Variants in ZNF658 observed in about 807,000 individuals in gnomAD.
ZNF658 encodes zinc finger protein 658.
A neutral mutation model predicts 78.0 loss-of-function variants in ZNF658; 46 were observed. The observed-to-expected ratio is 0.59, with a 90% confidence interval of 0.47 to 0.75. ZNF658 has a LOEUF of 0.75. ZNF658 is among the 30% of genes least tolerant of loss of function. ZNF658 has a pLI of 0.00. For synonymous variants in ZNF658, 279 were observed against 408.4 expected (o/e 0.68, Z 3.82); for missense variants, 785 against 1,189.3 (o/e 0.66, Z 5.00).
At position 66,920,034 on chromosome 9, in the gene ZNF658, A is replaced by G. The variant is rs1822471211; in HGVS notation, c.2468A>G (p.Glu823Gly). The change falls in exon 5 of 5, where the codon GAG (glutamate) becomes GGG (glycine). Residue 823 changes from glutamate to glycine, a missense_variant. Transcript: ENST00000621410. ...LIVHQRIHTG[E>G]KPYECNQCGK... ...GTGCATCAAAGAATTCACACAGGGG[A>G]GAAACCCTATGAATGTAACCAATGT... is the stretch of plus-strand genomic sequence containing the variant. The G allele has an allele frequency of 1.2e-6, 2 of 1,612,976 alleles. No individual in the cohort carries two copies. The highest frequency in any genetic ancestry group is 1.1e-5 in the South Asian group (1 of 91,038).
At chr9:66,923,219 T>A (rs1822552901), downstream of ZNF658, among the ~76,000 whole-genome samples, 1 of 150,594 alleles carries the variant, frequency 6.6e-6, no homozygotes, top group East Asian at 2.0e-4. Flanking sequence ...GAACTTGGAG[T>A]CCAATGTTCA....
At chr9:66,906,013 T>A (rs561994030) in intron 2 of ZNF658, among the ~76,000 whole-genome samples, 3 of 149,104 alleles carry the variant, frequency 2.0e-5, no homozygotes, top group Non-Finnish European at 4.4e-5. Context: ...AAAACTTTCT[T>A]GATTTGCAGG....
At chr9:66,927,349 A>C (rs1276300279) in intron 6 of ZNF658, among the ~76,000 whole-genome samples, 3 of 151,830 alleles carry the variant, frequency 2.0e-5, no homozygotes, top group Non-Finnish European at 2.9e-5. Flanking sequence ...TTTAAAAAAA[A>C]GACAAGTGTT....
At chr9:66,931,856 G>A (rs1822648576) in intron 6 of ZNF658, among the ~76,000 whole-genome samples, 1 of 149,324 alleles carries the variant, frequency 6.7e-6, no homozygotes, top group South Asian at 2.2e-4. Context: ...AGTCACATTG[G>A]CATTGGGGAG....
intron 4 of ZNF658, among the ~76,000 whole-genome samples, chr9:66,912,981 G>A (rs1191911508): frequency 1.3e-5 from 2 of 151,804 alleles, no homozygotes; most frequent in African/African-American, 2.4e-5. Context: ...CTGGGAGGTG[G>A]AGGTTATGGT....
chr9:66,901,380 C>T (rs1821949229), intron 1 of ZNF658, among the ~76,000 whole-genome samples: 1 of 152,076 alleles, frequency 6.6e-6, no homozygotes, highest in Non-Finnish European at 1.5e-5. Context: ...AACATGCTGT[C>T]TGCCTGAAAC....
chr9:66,918,395 A>T lies in ZNF658; in HGVS notation c.829A>T (p.Thr277Ser), dbSNP rs1370367414. Residue 277 changes from threonine (T) to serine (S), a missense_variant, in exon 5 of 5, where the codon ACA becomes TCA. Coordinates refer to ENST00000621410, the MANE Select transcript of ZNF658 (RefSeq NM_033160.7). ...ATGCTCTGATCTTAATGAATATGGG[A>T]CATCCTGTGACAAAACCACCGCTGT... The part of the protein sequence containing the change: ...GKCSDLNEYG[T>S]SCDKTTAVEY... 1.6e-5 allele frequency: 26 copies of T among 1,613,694 alleles called. No homozygotes were observed. Among genetic ancestry groups the T allele is most frequent in the East Asian group, 2.2e-5 (1 of 44,852 alleles).
intron 4 of ZNF658, among the ~76,000 whole-genome samples, chr9:66,911,707 C>T (rs1822217325): frequency 1.1e-5 from 1 of 92,272 alleles, no homozygotes; most frequent in African/African-American, 6.6e-5. Context: ...TAACGCTATA[C>T]CAAACACAAT....
chr9:66,908,841 G>A lies in ZNF658; in HGVS notation c.238+107G>A, dbSNP rs1317201999. ...AGCTTTATTGAGATATAATTCACAT[G>A]CCTACAATTCACTCCTTTAAAGTGT... On this transcript the variant is annotated intron_variant, in intron 4 of 4. Transcript: ENST00000621410. 6 of 676,204 alleles carry A rather than the reference G, an allele frequency of 8.9e-6. No individual in the cohort carries two copies. The Admixed American group carries it at 1.2e-4, about 13-fold the overall frequency. The allele number at this position is 676,204 out of a possible 1,614,324, so 41.9% of individuals were successfully genotyped here. A position where few individuals can be genotyped will look rare whatever the true frequency, so the allele number is the denominator to read the frequency against.
intron 4 of ZNF658, among the ~76,000 whole-genome samples, chr9:66,908,947 A>AT (rs1189189059): frequency 1.3e-5 from 2 of 152,150 alleles, no homozygotes; most frequent in African/African-American, 4.8e-5. Flanking sequence ...ATGTATAGAC[A>AT]TTTTTTTCCT....
intron 2 of ZNF658, among the ~76,000 whole-genome samples, chr9:66,907,594 T>C (rs1479242019): frequency 6.6e-6 from 1 of 152,058 alleles, no homozygotes; most frequent in Non-Finnish European, 1.5e-5. Context: ...TATAAGTGAC[T>C]ATAATTTGAA....
At chr9:66,910,220 T>C (rs1182574634) in intron 4 of ZNF658, among the ~76,000 whole-genome samples, 1 of 152,202 alleles carries the variant, frequency 6.6e-6, no homozygotes, top group Admixed American at 6.5e-5. Context: ...ACCAATGATA[T>C]CAGGCATCTT....
At chr9:66,924,538 GA>G (rs1822568742), downstream of ZNF658, among the ~76,000 whole-genome samples, 4 of 119,510 alleles carry the variant, frequency 3.3e-5, no homozygotes, top group South Asian at 1.3e-3. Context: ...CCAAATGGAA[GA>G]AAAGAAGAAA....
At chr9:66,910,567 G>A (rs1822190849) in intron 4 of ZNF658, among the ~76,000 whole-genome samples, 1 of 151,906 alleles carries the variant, frequency 6.6e-6, no homozygotes, top group African/African-American at 2.4e-5. Context: ...CCAGCACTTT[G>A]GGAGGCCAAG....
In ZNF658 at chr9:66,920,319, C is replaced by T. The variant is rs142001449; in HGVS notation, c.2753C>T (p.Thr918Ile). The T allele has an allele frequency of 6.2e-7, 1 of 1,613,870 alleles. No homozygotes were observed. The highest frequency in any genetic ancestry group is 8.5e-7 in the Non-Finnish European group (1 of 1,179,970). Residue 918 changes from threonine to isoleucine, a missense_variant, in exon 5 of 5, where the codon ACC becomes ATC. Transcript: ENST00000621410. ...TATGAATGCAGTGAATGTGGGAAAA[C>T]CTTCTCTGAGAAGTCATATGTTAGT... ...KPYECSECGK[T>I]FSEKSYVSAH... is the part of the protein sequence containing the mutation.
Position 66,918,483 on chromosome 9 carries a change from T to A in ZNF658, c.917T>A (p.Phe306Tyr), listed in dbSNP as rs746055453. 6.2e-6 allele frequency: 10 copies of A among 1,607,972 alleles called. No homozygotes were observed. In the South Asian group the frequency reaches 9.9e-5, roughly 16 times the overall value. Residue 306 changes from phenylalanine (F) to tyrosine (Y), a missense_variant, in exon 5 of 5, where the codon TTC becomes TAC. Transcript: ENST00000621410. ...GAGTGTAATGAAAGGGGGATTAATT[T>A]CAGTAGGAAGTCACCCCTCACTCAA... is the stretch of plus-strand genomic sequence containing the variant. ...HYECNERGIN[F>Y]SRKSPLTQSQ...
intron 4 of ZNF658, among the ~76,000 whole-genome samples, chr9:66,917,345 G>A (rs62561231): frequency 0.53 from 76,712 of 145,888 alleles, 20,671 homozygotes; most frequent in African/African-American, 0.65. Context: ...GCATGGATGA[G>A]GAGAGAGTCT....
Position 66,918,566 on chromosome 9 carries a change from T to C in ZNF658, c.1000T>C (p.Phe334Leu). Residue 334 changes from phenylalanine to leucine, a missense_variant, in exon 5 of 5, where the codon TTT (phenylalanine) becomes CTT (leucine). Coordinates refer to ENST00000621410, the MANE Select transcript of ZNF658 (RefSeq NM_033160.7). Reference protein sequence around the residue: ...AFESNKCEENFSQSSAHIVHQ... With the variant: ...AFESNKCEENLSQSSAHIVHQ... The stretch of plus-strand genomic sequence containing the variant: ...TGAAAGCAATAAATGTGAAGAAAAT[T>C]TTAGCCAGAGCTCAGCCCATATAGT... 2 of 1,608,120 alleles carry C rather than the reference T, an allele frequency of 1.2e-6. No individual in the cohort carries two copies. The highest frequency in any genetic ancestry group is 1.7e-6 in the Non-Finnish European group (2 of 1,175,570).
In ZNF658 at chr9:66,918,983, T is replaced by A; in HGVS notation, c.1417T>A (p.Cys473Ser). 1 of 1,294,284 alleles carries A rather than the reference T, an allele frequency of 7.7e-7. No individual in the cohort carries two copies. Among genetic ancestry groups the A allele is most frequent in the Non-Finnish European group, 1.1e-6 (1 of 928,874 alleles). 80.2% of individuals were successfully genotyped at this position (1,294,284 alleles called of 1,614,324 possible). The change falls in exon 5 of 5, where the codon TGT (cysteine) becomes AGT (serine). Residue 473 changes from cysteine to serine, a missense_variant. By Grantham distance (112) the Cys-to-Ser change is moderately radical. Coordinates refer to ENST00000621410, the MANE Select transcript of ZNF658 (RefSeq NM_033160.7). The stretch of plus-strand genomic sequence containing the variant: ...AGAGAAACCTTGTGATAACAATGGC[T>A]GTGGGAGATCTTACAAGTCACCCCT... ...TKEKPCDNNGCGRSYKSPLIG... is the reference protein window; with the variant it reads ...TKEKPCDNNGSGRSYKSPLIG...
Sources: gnomAD v4.1 joint callset for allele counts (sites outside exome capture counted in the v4.1 genomes callset) on GRCh38, gnomAD v4.1.1 for gene constraint, MANE v1.5 for transcripts, NCBI Gene and HGNC (gene_info 2026-07-23, HGNC 2026-07-21) for gene names.